The following UNC80 variants were observed in gnomAD, a reference collection of about 807,000 sequenced individuals.
The protein encoded by UNC80 is unc-80 subunit of NALCN channel complex.
Under a neutral mutation model 384.6 loss-of-function variants are expected in UNC80, and 164 were observed. The observed-to-expected ratio is 0.43, with a 90% CI of 0.38 to 0.49. The LOEUF is 0.49. UNC80 is among the 20% of genes least tolerant of loss of function. UNC80 has a pLI of 0.00. For missense variants in UNC80, 3,330 were observed against 4,143.0 expected, an observed-to-expected ratio of 0.80 and a Z score of 5.39; for synonymous variants, 1,486 against 1,527.8, an observed-to-expected ratio of 0.97 and a Z score of 0.64.
intron 22 of UNC80, among the ~76,000 whole-genome samples, chr2:209,869,975 G>A (rs963393117): frequency 2.0e-5 from 3 of 152,048 alleles, no homozygotes; most frequent in Admixed American, 6.6e-5. Flanking sequence ...AAGAATTCTT[G>A]TATCTAAAGA....
Position 209,830,974 on chromosome 2 carries a change from C to T in UNC80, c.2627-469C>T, listed in dbSNP as rs576240166. Among the ~76,000 whole-genome samples the T allele has an allele frequency of 2.3e-4, 35 of 152,272 alleles. No homozygotes were observed. In the South Asian group the frequency reaches 7.0e-3, roughly 31 times the overall value. On this transcript the variant is annotated intron_variant, in intron 15 of 64. Transcript: ENST00000673920. Reference sequence around the variant, plus strand: ...CTCTTTCTTCTCCCTTCCCAGCTACCTGGTTGGCCCCACCTTATTCCACTT... The same window carrying T: ...CTCTTTCTTCTCCCTTCCCAGCTACTTGGTTGGCCCCACCTTATTCCACTT...
At chr2:209,961,758 A>T (rs1356155486) in intron 51 of UNC80, among the ~76,000 whole-genome samples, 1 of 152,212 alleles carries the variant, frequency 6.6e-6, no homozygotes, top group Non-Finnish European at 1.5e-5. Context: ...AACAAGAAAA[A>T]TCTTGTAGGG....
rs1485667869 is a variant in UNC80, at chr2:209,813,844, A to G, written c.1200+3A>G. 6 of 1,550,432 alleles carry G rather than the reference A, an allele frequency of 3.9e-6. No homozygotes were observed. Among genetic ancestry groups the G allele is most frequent in the Non-Finnish European group, 5.2e-6 (6 of 1,146,362 alleles). On this transcript the variant is annotated splice_donor_region_variant and intron_variant, in intron 8 of 64. Transcript: ENST00000673920. ...TAGTGAACACCCACAAAACCCAAGT[A>G]AGAAAAACCCGGTTCATTGTCATTC...
chr2:209,797,406 G>A (rs1169227494), intron 7 of UNC80, among the ~76,000 whole-genome samples: 3 of 152,148 alleles, frequency 2.0e-5, no homozygotes, highest in Non-Finnish European at 4.4e-5. Flanking sequence ...TCCCACTTAT[G>A]AGTGAGAACA....
Position 209,993,308 on chromosome 2 carries a change from T to C in UNC80, c.9397-7T>C. 6.4e-7 allele frequency: 1 copy of C among 1,551,126 alleles called. No homozygotes were observed. The highest frequency in any genetic ancestry group is 1.4e-5 in the African/African-American group (1 of 73,166). On this transcript the variant is annotated splice_polypyrimidine_tract_variant and splice_region_variant and intron_variant, in intron 62 of 64. Transcript: ENST00000673920. Reference sequence around the variant, plus strand: ...CTTGCAAGTTTTATTCTGCCTATTCTCTTTAGCTAAGACGTCCTCTACTAT... The same window carrying C: ...CTTGCAAGTTTTATTCTGCCTATTCCCTTTAGCTAAGACGTCCTCTACTAT...
At chr2:209,789,499 T>A (rs1227110868) in intron 5 of UNC80, 33 bp from the exon 6 acceptor site, 1 of 1,516,048 alleles carries the variant, frequency 6.6e-7, no homozygotes, top group Non-Finnish European at 9.1e-7. Flanking sequence ...CTTAAAACCT[T>A]ACAAAACGAT....
At chr2:209,878,648 G>C (rs1380927928) in intron 24 of UNC80, among the ~76,000 whole-genome samples, 1 of 152,094 alleles carries the variant, frequency 6.6e-6, no homozygotes, top group Non-Finnish European at 1.5e-5. Flanking sequence ...ATTTATAATA[G>C]AATTTCATCA....
rs1405801109 is a variant in UNC80 at position 209,793,805 on chromosome 2, T to C, written c.884T>C (p.Phe295Ser). The C allele has an allele frequency of 3.7e-6, 6 of 1,614,062 alleles. No homozygotes were observed. The highest frequency in any genetic ancestry group is 5.1e-6 in the Non-Finnish European group (6 of 1,180,008). ...TISGCHRGNS[F>S]DGSLSSQTSQ... ...TCAGGCTGTCACCGAGGAAACTCCT[T>C]TGATGGAAGTCTGTCCTCCCAAACT... Residue 295 changes from phenylalanine to serine, a missense_variant, in exon 7 of 65, where the codon TTT (phenylalanine) becomes TCT (serine). By Grantham distance (155) the Phe-to-Ser change is radical. This residue lies in a region of UNC80 where 937 missense variants were observed against 1,026.8 expected (regional missense o/e 0.91). Coordinates refer to ENST00000673920, the MANE Select transcript of UNC80 (RefSeq NM_001371986.1).
intron 22 of UNC80, among the ~76,000 whole-genome samples, chr2:209,867,690 T>C (rs939862948): frequency 2.0e-5 from 3 of 152,020 alleles, no homozygotes; most frequent in Non-Finnish European, 2.9e-5. Context: ...TTGTGGCCCA[T>C]TGGAAACCCA....
chr2:209,912,797 G>A (rs2089097940), intron 30 of UNC80, 130 bp downstream of exon 30: 2 of 585,752 alleles, frequency 3.4e-6, no homozygotes, highest in Admixed American at 3.5e-5. Context: ...CCTTCAGTTG[G>A]TGAGCAAGAG....
Position 209,834,021 on chromosome 2 carries a change from G to A in UNC80, c.2795G>A (p.Arg932His). Residue 932 changes from arginine to histidine, a missense_variant, in exon 17 of 65, where the codon CGT becomes CAT. Arg to His is a conservative substitution (Grantham distance 29, BLOSUM62 0). Transcript: ENST00000673920. ...PENLGLYCDI[R>H]QLVQFIKEAH... is the part of the protein sequence containing the mutation. The stretch of plus-strand genomic sequence containing the variant: ...AAACAGGGACTGTATTGTGACATTC[G>A]TCAGCTGGTCCAGTTTATCAAAGAG... 2 of 1,551,450 alleles carry A rather than the reference G, an allele frequency of 1.3e-6. No individual in the cohort carries two copies. The highest frequency in any genetic ancestry group is 1.2e-5 in the South Asian group (1 of 84,028).
chr2:209,880,249 AT>A (rs1559253170), intron 24 of UNC80, among the ~76,000 whole-genome samples: 1 of 152,232 alleles, frequency 6.6e-6, no homozygotes, highest in East Asian at 1.9e-4. Flanking sequence ...AGCAAAATCT[AT>A]TAGCTGGCTT....
At chr2:209,969,652 CT>C in intron 52 of UNC80, 115 bp from the exon 53 acceptor site, 1 of 1,404,156 alleles carries the variant, frequency 7.1e-7, no homozygotes. Context: ...TATGGGTAAA[CT>C]TCATCCCAGA....
At chr2:209,994,503 A>G (rs2093449901) in intron 64 of UNC80, among the ~76,000 whole-genome samples, 1 of 152,204 alleles carries the variant, frequency 6.6e-6, no homozygotes, top group Admixed American at 6.5e-5. Context: ...AAAACCTAAG[A>G]GGAAATACTT....
Position 209,999,239 on chromosome 2 carries a change from A to G in UNC80, c.*3644A>G, listed in dbSNP as rs2125039098. The G allele has an allele frequency of 6.6e-6, 1 of 152,380 alleles. No homozygotes were observed. The highest frequency in any genetic ancestry group is 1.5e-5 in the Non-Finnish European group (1 of 68,036). 9.4% of individuals were successfully genotyped at this position (152,380 alleles called of 1,614,324 possible). On this transcript the variant is annotated 3_prime_UTR_variant, in exon 65 of 65. Coordinates refer to ENST00000673920, the MANE Select transcript of UNC80 (RefSeq NM_001371986.1). ...TTTATGAAAGATATTTATGAAAGAT[A>G]TTAAGACTTCTGTGTTTAGGTATGC...
Position 209,839,284 on chromosome 2 carries a change from C to T in UNC80, c.3104C>T (p.Ser1035Phe), listed in dbSNP as rs78711169. The T allele has an allele frequency of 6.4e-7, 1 of 1,551,618 alleles. No individual in the cohort carries two copies. Among genetic ancestry groups the T allele is most frequent in the Non-Finnish European group, 8.7e-7 (1 of 1,146,992 alleles). Reference protein sequence around the residue: ...RKDFWRKMFKSQSAASDTSSQ... With the variant: ...RKDFWRKMFKFQSAASDTSSQ... ...GATTTCTGGCGTAAGATGTTCAAGTCCCAGAGTGCAGCAAGTGACACCAGC... is the reference window on the plus strand; with the variant it reads ...GATTTCTGGCGTAAGATGTTCAAGTTCCAGAGTGCAGCAAGTGACACCAGC... The change falls in exon 19 of 65, where the codon TCC becomes TTC. Residue 1035 changes from serine (S) to phenylalanine (F), a missense_variant. Physicochemically the swap from Ser to Phe is radical, Grantham distance 155 (BLOSUM62 -2). Coordinates refer to ENST00000673920, the MANE Select transcript of UNC80 (RefSeq NM_001371986.1). The surrounding 1 kb of genome is among the most constrained non-coding windows in gnomAD (Gnocchi z 4.1).
chr2:209,993,390 A>G lies in UNC80; in HGVS notation c.9472A>G (p.Thr3158Ala). 1 of 1,551,646 alleles carries G rather than the reference A, an allele frequency of 6.4e-7. No individual in the cohort carries two copies. Among genetic ancestry groups the G allele is most frequent in the African/African-American group, 1.4e-5 (1 of 73,148 alleles). Residue 3158 changes from threonine to alanine, a missense_variant, in exon 63 of 65, where the codon ACT becomes GCT. Thr to Ala is a moderately conservative substitution (Grantham distance 58). Transcript: ENST00000673920. ...RNRQGARLST[T>A]RRSIQPKTKP... ...TCGCCAAGGGGCTCGGCTGTCAACC[A>G]CTCGCAGGAGCATTCAACCTAAAAC...
chr2:209,864,096 G>C (rs1291357849), intron 22 of UNC80, among the ~76,000 whole-genome samples: 1 of 151,582 alleles, frequency 6.6e-6, no homozygotes, highest in East Asian at 2.0e-4. Context: ...TCAATGGTCA[G>C]GTTCCTCCTC....
At chr2:209,935,945 C>A in intron 40 of UNC80, 137 bp downstream of exon 40, 1 of 566,392 alleles carries the variant, frequency 1.8e-6, no homozygotes, top group East Asian at 3.6e-5. Flanking sequence ...TAAAATCTGC[C>A]CCACTATTAT....
Sources: gnomAD v4.1 joint callset for allele counts (sites outside exome capture counted in the v4.1 genomes callset) on GRCh38, gnomAD v4.1.1 for gene constraint, gnomAD v4.1.1 regional missense constraint, Gnocchi (gnomAD v3.1) non-coding constraint, MANE v1.5 for transcripts, NCBI Gene and HGNC (gene_info 2026-07-23, HGNC 2026-07-21) for gene names.